CPSF4L: variants seen among roughly 807,000 people sequenced by gnomAD.
The protein encoded by CPSF4L is putative cleavage and polyadenylation specificity factor subunit 4-like protein.
Under a neutral mutation model 24.0 loss-of-function variants are expected in CPSF4L, and 18 were observed. The observed-to-expected ratio is 0.75, with a 90% CI of 0.52 to 1.11. The LOEUF is 1.11. Ranked by LOEUF, CPSF4L falls within the 50% of genes least tolerant of loss-of-function variation. CPSF4L has a pLI of 0.00. For synonymous variants in CPSF4L, 72 were observed against 77.2 expected (o/e 0.93, Z 0.35); for missense variants, 211 against 221.8 (o/e 0.95, Z 0.31).
chr17:73,262,065 CA>C (rs1237803691), upstream of CPSF4L: 1 of 537,220 alleles, frequency 1.9e-6, no homozygotes, highest in Admixed American at 3.1e-5. Context: ...ACTGTGTACA[CA>C]AGGCTCACTC....
chr17:73,247,296 G>T (rs148469926), downstream of CPSF4L: 117 of 1,614,174 alleles, frequency 7.2e-5, no homozygotes, highest in Admixed American at 1.3e-4. Context: ...GCATTGGTGT[G>T]GCGAAGACGA....
At chr17:73,254,675 A>C (rs2062017654) in intron 3 of CPSF4L, among the ~76,000 whole-genome samples, 1 of 151,964 alleles carries the variant, frequency 6.6e-6, no homozygotes, top group African/African-American at 2.4e-5. Context: ...ACAGGGTTTT[A>C]CTCTGTTGCC....
At chr17:73,250,305 CA>C in intron 5 of CPSF4L, 1 of 1,550,204 alleles carries the variant, frequency 6.5e-7, no homozygotes, top group Non-Finnish European at 8.7e-7. Context: ...GTCTTTGACA[CA>C]AAAACAGAAA....
downstream of CPSF4L, chr17:73,247,469 C>A: frequency 1.2e-6 from 1 of 857,038 alleles, no homozygotes; most frequent in Non-Finnish European, 1.9e-6. Flanking sequence ...TTTCAGCCCT[C>A]AAGGTTATCA....
At chr17:73,254,729 C>T (rs1363521158) in intron 3 of CPSF4L, among the ~76,000 whole-genome samples, 3 of 152,144 alleles carry the variant, frequency 2.0e-5, no homozygotes, top group Non-Finnish European at 2.9e-5. Context: ...CTGCAACCTC[C>T]GCCTCCCGGG....
At chr17:73,255,037 A>C (rs539386312) in intron 3 of CPSF4L, among the ~76,000 whole-genome samples, 1 of 152,232 alleles carries the variant, frequency 6.6e-6, no homozygotes, top group Non-Finnish European at 1.5e-5. Flanking sequence ...ACTTCATTCA[A>C]GTTGAGAACT....
At chr17:73,253,399 G>A (rs1483915858) in intron 4 of CPSF4L, among the ~76,000 whole-genome samples, 1 of 152,054 alleles carries the variant, frequency 6.6e-6, no homozygotes, top group African/African-American at 2.4e-5. Context: ...CCTCACCCCC[G>A]CCCAGATCCC....
downstream of CPSF4L, chr17:73,245,077 CA>C (rs1346480451): frequency 1.0e-5 from 13 of 1,250,528 alleles, no homozygotes; most frequent in African/African-American, 1.5e-5. Flanking sequence ...ACTTATAAAA[CA>C]AAAAGAGAAT....
chr17:73,255,603 C>T (rs1362547077), intron 3 of CPSF4L, among the ~76,000 whole-genome samples: 4 of 151,610 alleles, frequency 2.6e-5, no homozygotes, highest in Admixed American at 1.3e-4. Context: ...TCACAGAGAA[C>T]GCCAGGGCTC....
the CPSF4L span, chr17:73,242,379 C>T: frequency 6.8e-7 from 1 of 1,460,552 alleles, no homozygotes; most frequent in Non-Finnish European, 9.3e-7. Context: ...CTGTTGTCTT[C>T]TGTTGCAGGT....
intron 2 of CPSF4L, among the ~76,000 whole-genome samples, chr17:73,259,733 A>G (rs1411794349): frequency 6.6e-6 from 1 of 152,222 alleles, no homozygotes. Context: ...GCTGGCCCCA[A>G]GACAAACAAG....
At chr17:73,242,320 T>A in the CPSF4L span, 2 of 1,603,924 alleles carry the variant, frequency 1.2e-6, no homozygotes, top group Non-Finnish European at 1.7e-6. Flanking sequence ...CCAACTTCTC[T>A]CTAATGAGGC....
At chr17:73,243,207 T>C in the CPSF4L span, 1 of 583,226 alleles carries the variant, frequency 1.7e-6, no homozygotes, top group Non-Finnish European at 3.1e-6. Context: ...CAGGCTGGAG[T>C]GCAATGGCAC....
intron 2 of CPSF4L, 111 bp from the exon 3 acceptor site, chr17:73,257,944 T>G: frequency 9.0e-7 from 1 of 1,115,114 alleles, no homozygotes; most frequent in Non-Finnish European, 1.3e-6. Context: ...CCAGCGGCTG[T>G]CCCCTTATCC....
At chr17:73,254,171 A>G (rs2062015769) in intron 3 of CPSF4L, 145 bp from the exon 4 acceptor site, 7 of 659,054 alleles carry the variant, frequency 1.1e-5, no homozygotes, top group Non-Finnish European at 1.9e-5. Flanking sequence ...GATGGAAAGT[A>G]TGCCTAATCC....
downstream of CPSF4L, among the ~76,000 whole-genome samples, chr17:73,244,023 T>C (rs1599396768): frequency 3.9e-5 from 6 of 152,356 alleles, no homozygotes; most frequent in South Asian, 1.2e-3. Flanking sequence ...TAAGTCTTAT[T>C]GCTATCTCAG....
chr17:73,242,242 A>G, the CPSF4L span: 1 of 1,568,568 alleles, frequency 6.4e-7, no homozygotes, highest in Non-Finnish European at 8.7e-7. Context: ...TTGGAACCAT[A>G]GTTTCTTTGT....
At chr17:73,244,329 G>A (rs1035494349), downstream of CPSF4L, among the ~76,000 whole-genome samples, 1 of 152,064 alleles carries the variant, frequency 6.6e-6, no homozygotes, top group Non-Finnish European at 1.5e-5. Flanking sequence ...TTGGGAGGCC[G>A]AGGCTGGCAG....
At chr17:73,251,801 A>C (rs1050345474) in intron 5 of CPSF4L, among the ~76,000 whole-genome samples, 1 of 152,246 alleles carries the variant, frequency 6.6e-6, no homozygotes, top group African/African-American at 2.4e-5. Context: ...GTGCTCATCA[A>C]CACTTGGGTC....
Sources: gnomAD v4.1 joint callset for allele counts (sites outside exome capture counted in the v4.1 genomes callset) on GRCh38, gnomAD v4.1.1 for gene constraint, MANE v1.5 for transcripts, NCBI Gene and HGNC (gene_info 2026-07-23, HGNC 2026-07-21) for gene names.